Variants in HHAT observed in about 807,000 individuals in gnomAD.
HHAT encodes protein-cysteine N-palmitoyltransferase HHAT.
A neutral mutation model predicts 70.8 loss-of-function variants in HHAT; 47 were observed. The ratio of observed to expected loss-of-function variants is 0.66; its 90% CI spans 0.53 to 0.85. HHAT has a LOEUF of 0.85. Among genes scored for constraint, HHAT ranks in the 40% least tolerant of loss-of-function variants. HHAT has a pLI of 0.00. For synonymous variants in HHAT, 228 were observed against 247.6 expected (o/e 0.92, Z 0.74); for missense variants, 609 against 604.8 (o/e 1.01, Z -0.07).
At chr1:210,660,703 G>C (rs1677501278) in intron 11 of HHAT, among the ~76,000 whole-genome samples, 1 of 152,142 alleles carries the variant, frequency 6.6e-6, no homozygotes, top group Admixed American at 6.5e-5. Context: ...CATGGTACTG[G>C]TACCAAAACA....
chr1:210,501,555 T>G (rs1054856914), intron 8 of HHAT, among the ~76,000 whole-genome samples: 5 of 152,236 alleles, frequency 3.3e-5, no homozygotes, highest in Non-Finnish European at 5.9e-5. Flanking sequence ...AGCACCAAAG[T>G]GGGGTCTCAA....
chr1:210,652,019 C>T (rs1402021508), intron 11 of HHAT, among the ~76,000 whole-genome samples: 2 of 152,196 alleles, frequency 1.3e-5, no homozygotes, highest in Non-Finnish European at 2.9e-5. Context: ...GAAAGCCTAG[C>T]TGTCAAGAGC....
intron 7 of HHAT, among the ~76,000 whole-genome samples, chr1:210,424,467 C>T (rs6686562): frequency 0.17 from 25,413 of 146,150 alleles, 2,736 homozygotes; most frequent in Middle Eastern, 0.26. Flanking sequence ...TTCAGGGGTA[C>T]GTGTGCAAGT....
chr1:210,660,247 C>A (rs905063355), intron 11 of HHAT, among the ~76,000 whole-genome samples: 1 of 152,252 alleles, frequency 6.6e-6, no homozygotes, highest in African/African-American at 2.4e-5. Context: ...GTGCAAAAAT[C>A]ACAGCATTCC....
At chr1:210,403,330 G>A (rs1390504717) in intron 5 of HHAT, among the ~76,000 whole-genome samples, 1 of 152,142 alleles carries the variant, frequency 6.6e-6, no homozygotes, top group Non-Finnish European at 1.5e-5. Flanking sequence ...AACCTTTTGG[G>A]GACCTGGCAA....
intron 9 of HHAT, among the ~76,000 whole-genome samples, chr1:210,566,066 A>G (rs1558174814): frequency 6.6e-6 from 1 of 152,054 alleles, no homozygotes. Context: ...TTATCACCTC[A>G]TAGTTAGTTG....
At chr1:210,494,634 C>G (rs1475337521) in intron 8 of HHAT, among the ~76,000 whole-genome samples, 1 of 143,766 alleles carries the variant, frequency 7.0e-6, no homozygotes, top group African/African-American at 2.6e-5. Context: ...TCACTGCAAC[C>G]TCTGCCTCCC....
rs576546911 is a variant in HHAT, at chr1:210,374,273, T to C, written c.159+11354T>C. ...ATCTGAAGAGAAACCAGTGTAATGC[T>C]ACAAATTAGTTCAACTCATTGTTGC... On this transcript the variant is annotated intron_variant, in intron 3 of 11. Transcript: ENST00000261458. 9.9e-5 allele frequency: 15 copies of C among 151,520 alleles called. No individual in the cohort carries two copies. The South Asian group carries it at 1.5e-3, about 15-fold the overall frequency. 9.4% of individuals were successfully genotyped at this position (151,520 alleles called of 1,614,324 possible).
rs113023841 is a variant in HHAT, at chr1:210,662,318, A to G, written c.1391-11970A>G. Among the ~76,000 whole-genome samples the G allele has an allele frequency of 7.0e-3, 1,071 of 151,968 alleles. 14 individuals are homozygous for G. The highest frequency in any genetic ancestry group is 0.024 in the African/African-American group (1,011 of 41,504). On this transcript the variant is annotated intron_variant, in intron 11 of 11. Coordinates refer to ENST00000261458, the MANE Select transcript of HHAT (RefSeq NM_018194.6). ...CCTGTCTGAATGCTAAGCACACAGT[A>G]GGTGCTTCATAAATATGGATGTGGG...
At chr1:210,385,798 T>TG (rs1451674421) in intron 3 of HHAT, among the ~76,000 whole-genome samples, 6 of 152,256 alleles carry the variant, frequency 3.9e-5, no homozygotes, top group African/African-American at 1.4e-4. Flanking sequence ...CGGGTACTGC[T>TG]GTTTAATAGC....
chr1:210,540,316 A>C (rs552530812), intron 9 of HHAT, among the ~76,000 whole-genome samples: 1 of 152,304 alleles, frequency 6.6e-6, no homozygotes, highest in African/African-American at 2.4e-5. Flanking sequence ...TTGCAGTTTA[A>C]TATAGTGACA....
intron 11 of HHAT, among the ~76,000 whole-genome samples, chr1:210,635,382 C>T (rs917716689): frequency 4.6e-5 from 7 of 152,168 alleles, no homozygotes; most frequent in African/African-American, 1.7e-4. Flanking sequence ...GGTGTGTGCA[C>T]TTCATCCTTA....
chr1:210,407,949 G>A (rs1461481032), intron 6 of HHAT, among the ~76,000 whole-genome samples: 2 of 152,112 alleles, frequency 1.3e-5, no homozygotes, highest in Non-Finnish European at 2.9e-5. Flanking sequence ...GTCAAATAGG[G>A]AATTTGGCAT....
At chr1:210,628,052 G>A (rs1558307663) in intron 11 of HHAT, among the ~76,000 whole-genome samples, 1 of 152,148 alleles carries the variant, frequency 6.6e-6, no homozygotes, top group Non-Finnish European at 1.5e-5. Flanking sequence ...GCTGAATAGA[G>A]CTCTGTAATT....
At chr1:210,668,100 A>G (rs1679302030) in intron 11 of HHAT, among the ~76,000 whole-genome samples, 1 of 152,188 alleles carries the variant, frequency 6.6e-6, no homozygotes, top group Admixed American at 6.5e-5. Flanking sequence ...TTTACTTAAT[A>G]TGATGTCTTT....
chr1:210,419,134 C>T (rs932655912), intron 7 of HHAT, among the ~76,000 whole-genome samples: 7 of 152,142 alleles, frequency 4.6e-5, no homozygotes, highest in African/African-American at 1.7e-4. Flanking sequence ...CTCTCGGTTC[C>T]AGCACCCTCA....
chr1:210,505,512 C>G (rs1002622140), intron 8 of HHAT, among the ~76,000 whole-genome samples: 1 of 152,146 alleles, frequency 6.6e-6, no homozygotes, highest in Non-Finnish European at 1.5e-5. Context: ...GAGGTTAGGG[C>G]AGATACACTT....
At chr1:210,549,669 A>T (rs989778661) in intron 9 of HHAT, among the ~76,000 whole-genome samples, 1 of 147,916 alleles carries the variant, frequency 6.8e-6, no homozygotes, top group Non-Finnish European at 1.5e-5. Flanking sequence ...AGAATAATAC[A>T]TCTCTGTTTA....
intron 7 of HHAT, among the ~76,000 whole-genome samples, chr1:210,427,826 T>C (rs2093111650): frequency 6.6e-6 from 1 of 152,098 alleles, no homozygotes; most frequent in East Asian, 1.9e-4. Flanking sequence ...TTTGATGTAG[T>C]GCTGAGTTCA....
Sources: gnomAD v4.1 joint callset for allele counts (sites outside exome capture counted in the v4.1 genomes callset) on GRCh38, gnomAD v4.1.1 for gene constraint, MANE v1.5 for transcripts, NCBI Gene and HGNC (gene_info 2026-07-23, HGNC 2026-07-21) for gene names.